The following SPTLC3 variants were observed in gnomAD, a reference collection of about 807,000 sequenced individuals.
The protein encoded by SPTLC3 is serine palmitoyltransferase 3.
SPTLC3 carries 36 observed loss-of-function variants against 59.3 expected under a neutral mutation model. The observed-to-expected ratio is 0.61, with a 90% CI of 0.47 to 0.80. The LOEUF is 0.80. Among genes scored for constraint, SPTLC3 ranks in the 30% least tolerant of loss-of-function variants. The pLI is 0.00. For missense variants in SPTLC3, 625 were observed against 685.1 expected, an observed-to-expected ratio of 0.91 and a Z score of 0.98; for synonymous variants, 257 against 240.8, an observed-to-expected ratio of 1.07 and a Z score of -0.62.
chr20:13,106,237 T>C (rs1393475811), intron 6 of SPTLC3, among the ~76,000 whole-genome samples: 2 of 152,220 alleles, frequency 1.3e-5, no homozygotes, highest in Non-Finnish European at 2.9e-5. Flanking sequence ...TCTACGTTCT[T>C]TCTCCAGGAA....
intron 5 of SPTLC3, among the ~76,000 whole-genome samples, chr20:13,092,683 AG>A (rs1397052540): frequency 2.0e-5 from 3 of 152,156 alleles, no homozygotes; most frequent in Admixed American, 2.0e-4. Context: ...ATATATCTAG[AG>A]TACAAATATA....
chr20:13,056,809 T>C (rs1289562617), intron 2 of SPTLC3, among the ~76,000 whole-genome samples: 1 of 151,208 alleles, frequency 6.6e-6, no homozygotes, highest in African/African-American at 2.4e-5. Context: ...TGGTGCAATC[T>C]TGGCTCACTG....
chr20:13,055,979 C>T (rs1418846377), intron 2 of SPTLC3, among the ~76,000 whole-genome samples: 2 of 152,088 alleles, frequency 1.3e-5, no homozygotes, highest in Non-Finnish European at 2.9e-5. Flanking sequence ...TTGATAGAAG[C>T]TGCCACCAGG....
intron 7 of SPTLC3, among the ~76,000 whole-genome samples, chr20:13,112,560 G>T (rs1990295064): frequency 6.6e-6 from 1 of 152,168 alleles, no homozygotes; most frequent in Admixed American, 6.5e-5. Flanking sequence ...AGCTTTGCAG[G>T]CAGCCATCTT....
chr20:13,084,505 G>A (rs1271234754), intron 4 of SPTLC3, among the ~76,000 whole-genome samples: 1 of 152,036 alleles, frequency 6.6e-6, no homozygotes, highest in Non-Finnish European at 1.5e-5. Flanking sequence ...ACCTCCAAGG[G>A]GTCTTGAGGG....
intron 3 of SPTLC3, chr20:13,073,759 C>T (rs1279907937): frequency 1.6e-5 from 9 of 570,314 alleles, no homozygotes; most frequent in African/African-American, 5.7e-5. Context: ...ATTCCAGACA[C>T]GGTCCAAAGA....
chr20:13,145,594 A>G (rs1006676536), intron 9 of SPTLC3, among the ~76,000 whole-genome samples: 2 of 152,242 alleles, frequency 1.3e-5, no homozygotes, highest in African/African-American at 4.8e-5. Context: ...TTCTATGCCC[A>G]TCAAACTACC....
chr20:13,012,163 T>C (rs1985287623), intron 1 of SPTLC3, among the ~76,000 whole-genome samples: 1 of 152,178 alleles, frequency 6.6e-6, no homozygotes, highest in Non-Finnish European at 1.5e-5. Context: ...TTCCCAGAAG[T>C]AGTTTCTTAA....
chr20:13,164,919 C>T lies in SPTLC3; in HGVS notation c.*52C>T, dbSNP rs1251168448. ...AGACTTTGCGAGAAAGACCTCCCTC[C>T]TTGCCTCACAAGGAATATAAATGGA... On this transcript the variant is annotated 3_prime_UTR_variant, in exon 12 of 12. Coordinates refer to ENST00000399002, the MANE Select transcript of SPTLC3 (RefSeq NM_018327.4). 1.4e-6 allele frequency: 2 copies of T among 1,451,434 alleles called. No individual in the cohort carries two copies. The highest frequency in any genetic ancestry group is 4.8e-5 in the East Asian group (2 of 41,784). The allele number at this position is 1,451,434 out of a possible 1,614,324, so 89.9% of individuals were successfully genotyped here. A position where few individuals can be genotyped will look rare whatever the true frequency, so the allele number is the denominator to read the frequency against.
chr20:13,073,760 G>A (rs1231286497), intron 3 of SPTLC3: 6 of 572,058 alleles, frequency 1.0e-5, no homozygotes, highest in East Asian at 8.7e-5. Flanking sequence ...TTCCAGACAC[G>A]GTCCAAAGAG....
rs115586946 is a variant in SPTLC3, at chr20:13,124,822, C to T, written c.1153-1769C>T. Among the ~76,000 whole-genome samples the T allele has an allele frequency of 7.2e-3, 1,100 of 152,200 alleles. 10 individuals carry two copies. The highest frequency in any genetic ancestry group is 0.025 in the African/African-American group (1,032 of 41,528). ...GATGGGCAGGGACCAGGCCCAGGCT[C>T]GGAAGTGGGAATGAATGTGACTAAT... On this transcript the variant is annotated intron_variant, in intron 8 of 11. Transcript: ENST00000399002.
At chr20:13,131,763 T>C (rs1375744943) in intron 9 of SPTLC3, among the ~76,000 whole-genome samples, 1 of 152,182 alleles carries the variant, frequency 6.6e-6, no homozygotes, top group African/African-American at 2.4e-5. Context: ...TTCTTCTCCA[T>C]GCAGAAGCCA....
At chr20:13,035,472 T>C (rs181548535) in intron 1 of SPTLC3, among the ~76,000 whole-genome samples, 130 of 152,308 alleles carry the variant, frequency 8.5e-4, no homozygotes, top group Non-Finnish European at 1.7e-3. Flanking sequence ...ATTGTTTTAT[T>C]ACAGAGTCTG....
intron 9 of SPTLC3, among the ~76,000 whole-genome samples, chr20:13,146,927 C>A (rs1441614034): frequency 1.3e-5 from 2 of 152,218 alleles, no homozygotes; most frequent in African/African-American, 2.4e-5. Flanking sequence ...GATCTCCAAG[C>A]CTCTGTTTCC....
chr20:13,089,906 T>G (rs1989156333), intron 4 of SPTLC3, among the ~76,000 whole-genome samples: 1 of 152,136 alleles, frequency 6.6e-6, no homozygotes, highest in African/African-American at 2.4e-5. Flanking sequence ...AGACATTAAA[T>G]TTCCAATAAT....
intron 1 of SPTLC3, among the ~76,000 whole-genome samples, chr20:13,031,157 A>G (rs989029139): frequency 4.1e-4 from 63 of 152,284 alleles, no homozygotes; most frequent in Non-Finnish European, 7.4e-4. Flanking sequence ...GCTGCGGGCC[A>G]TAATTTGCCA....
intron 1 of SPTLC3, among the ~76,000 whole-genome samples, chr20:13,030,285 G>C (rs572856043): frequency 8.5e-5 from 13 of 152,106 alleles, no homozygotes; most frequent in Non-Finnish European, 1.6e-4. Flanking sequence ...TTTGAATTTT[G>C]GTCAGAGACT....
chr20:13,159,558 G>C (rs2038849110), intron 10 of SPTLC3, among the ~76,000 whole-genome samples: 1 of 152,072 alleles, frequency 6.6e-6, no homozygotes, highest in Admixed American at 6.5e-5. Context: ...TGTATTATTG[G>C]TATTAAGTTT....
At position 13,117,511 on chromosome 20, in the gene SPTLC3, A is replaced by G. The variant is rs778388673; in HGVS notation, c.938A>G (p.Glu313Gly). ...CATTTCTCCTTCTGCCCTAGCATGG[A>G]AGGTTCCATCGTGCATCTGCCCCAG... ...LILVEGVYSM[E>G]GSIVHLPQII... is the part of the protein sequence containing the mutation. Residue 313 changes from glutamate (E) to glycine (G), a missense_variant, in exon 8 of 12, where the codon GAA becomes GGA. Physicochemically the swap from Glu to Gly is moderately conservative, Grantham distance 98 (BLOSUM62 -2). Transcript: ENST00000399002. The G allele has an allele frequency of 6.3e-7, 1 of 1,586,838 alleles. No individual in the cohort carries two copies. Among genetic ancestry groups the G allele is most frequent in the East Asian group, 2.2e-5 (1 of 44,572 alleles).
Sources: gnomAD v4.1 joint callset for allele counts (sites outside exome capture counted in the v4.1 genomes callset) on GRCh38, gnomAD v4.1.1 for gene constraint, MANE v1.5 for transcripts, NCBI Gene and HGNC (gene_info 2026-07-23, HGNC 2026-07-21) for gene names.